The following PLCB4 variants were observed in gnomAD, a reference collection of about 807,000 sequenced individuals.
PLCB4 encodes the protein phospholipase C beta 4.
PLCB4 carries 77 observed loss-of-function variants against 178.8 expected under a neutral mutation model. The observed-to-expected ratio is 0.43, with a 90% CI of 0.36 to 0.52. The LOEUF (loss-of-function observed/expected upper bound fraction) is 0.52. Among genes scored for constraint, PLCB4 ranks in the 20% least tolerant of loss-of-function variants. PLCB4 has a pLI of 0.00. For synonymous variants in PLCB4, 496 were observed against 490.8 expected (o/e 1.01, Z -0.14); for missense variants, 1,024 against 1,453.4 (o/e 0.70, Z 4.80).
intron 7 of PLCB4, among the ~76,000 whole-genome samples, chr20:9,343,987 G>A (rs1349393861): frequency 6.6e-6 from 1 of 152,162 alleles, no homozygotes; most frequent in East Asian, 1.9e-4. Flanking sequence ...TGCCCCAAGA[G>A]GTATCTAACT....
At chr20:9,459,915 A>T (rs2043286962) in intron 35 of PLCB4, 105 bp downstream of exon 35, 1 of 696,950 alleles carries the variant, frequency 1.4e-6, no homozygotes, top group African/African-American at 1.8e-5. Context: ...AATTTGACGT[A>T]CAACATGTAG....
chr20:9,469,350 T>A (rs950666376), intron 36 of PLCB4, among the ~76,000 whole-genome samples: 2 of 152,202 alleles, frequency 1.3e-5, no homozygotes, highest in Non-Finnish European at 2.9e-5. Flanking sequence ...TCTCCCCTGC[T>A]CAGGTGTCAG....
At chr20:9,240,001 G>A (rs1004566822) in intron 3 of PLCB4, among the ~76,000 whole-genome samples, 1 of 152,200 alleles carries the variant, frequency 6.6e-6, no homozygotes, top group Non-Finnish European at 1.5e-5. Flanking sequence ...CAGCTGATTA[G>A]ATGGTGCCTG....
intron 32 of PLCB4, among the ~76,000 whole-genome samples, chr20:9,448,360 C>A (rs1290949220): frequency 2.0e-5 from 3 of 152,128 alleles, no homozygotes; most frequent in African/African-American, 7.2e-5. Context: ...AAATGACCTG[C>A]TGATGAAGAA....
chr20:9,148,783 G>C (rs182282848), intron 2 of PLCB4, among the ~76,000 whole-genome samples: 1 of 152,146 alleles, frequency 6.6e-6, no homozygotes, highest in African/African-American at 2.4e-5. Flanking sequence ...AGCTGTTTTC[G>C]TGATGGAAAT....
At chr20:9,432,083 C>A (rs1428468743) in intron 28 of PLCB4, among the ~76,000 whole-genome samples, 1 of 152,118 alleles carries the variant, frequency 6.6e-6, no homozygotes. Context: ...ATCAATGTGA[C>A]ATTTCCCATT....
rs940440036 is a variant in PLCB4 at position 9,349,062 on chromosome 20, A to AAAAAG, written c.369+10040_369+10044dup. Among the ~76,000 whole-genome samples the AAAAAG allele has an allele frequency of 2.0e-5, 3 of 152,192 alleles. No individual in the cohort carries two copies. In the East Asian group the frequency reaches 5.8e-4, roughly 29 times the overall value. On this transcript the variant is annotated intron_variant, in intron 7 of 39. Coordinates refer to ENST00000378473, the MANE Select transcript of PLCB4 (RefSeq NM_001377142.1). ...AGAAAGTACAGGATAGTAAAAAAAAAAAAAGAAAAGAAAAGAAAAAGAAAC... is the reference window on the plus strand; with the variant it reads ...AGAAAGTACAGGATAGTAAAAAAAAAAAAAGAAAAGAAAAGAAAAGAAAAAGAAAC...
At chr20:9,262,340 A>G (rs1412329536) in intron 3 of PLCB4, among the ~76,000 whole-genome samples, 3 of 152,146 alleles carry the variant, frequency 2.0e-5, no homozygotes, top group African/African-American at 4.8e-5. Flanking sequence ...AGTGAGAGAG[A>G]GAGAGAGAAG....
intron 1 of PLCB4, among the ~76,000 whole-genome samples, chr20:9,081,361 T>C (rs1238827050): frequency 6.6e-6 from 1 of 152,238 alleles, no homozygotes; most frequent in Non-Finnish European, 1.5e-5. Context: ...CTGACCCCTG[T>C]GATGAAGTTT....
intron 3 of PLCB4, among the ~76,000 whole-genome samples, chr20:9,307,445 T>G (rs1384837035): frequency 4.0e-5 from 6 of 151,856 alleles, no homozygotes; most frequent in African/African-American, 1.5e-4. Flanking sequence ...TTGATTTTGG[T>G]CTACGGTTTC....
intron 3 of PLCB4, among the ~76,000 whole-genome samples, chr20:9,291,371 A>C (rs1366861090): frequency 2.0e-5 from 3 of 152,166 alleles, no homozygotes; most frequent in Non-Finnish European, 4.4e-5. Context: ...TTGCACAGTA[A>C]ATTTCCCATT....
At chr20:9,110,414 C>A (rs770191522) in intron 2 of PLCB4, among the ~76,000 whole-genome samples, 2 of 152,114 alleles carry the variant, frequency 1.3e-5, no homozygotes, top group East Asian at 1.9e-4. Context: ...CCTCTATTTA[C>A]ACTGTCTTTT....
intron 17 of PLCB4, 51 bp from the exon 18 acceptor site, chr20:9,393,537 A>G (rs1434441703): frequency 8.1e-7 from 1 of 1,235,506 alleles, no homozygotes; most frequent in Non-Finnish European, 1.2e-6. Context: ...TGGGAAGGAG[A>G]ATGGAGAAGC....
chr20:9,395,413 C>A, intron 18 of PLCB4, 110 bp from the exon 19 acceptor site: 1 of 726,320 alleles, frequency 1.4e-6, no homozygotes, highest in Non-Finnish European at 2.4e-6. Context: ...GGTGCCTGAA[C>A]ATTCTATTTC....
intron 2 of PLCB4, among the ~76,000 whole-genome samples, chr20:9,150,922 C>T (rs1371107531): frequency 6.6e-6 from 1 of 152,160 alleles, no homozygotes; most frequent in African/African-American, 2.4e-5. Context: ...TGTGCAGGCT[C>T]TGCTTGTGTT....
chr20:9,453,842 A>T (rs2042908569), intron 33 of PLCB4, among the ~76,000 whole-genome samples: 1 of 152,206 alleles, frequency 6.6e-6, no homozygotes, highest in Non-Finnish European at 1.5e-5. Flanking sequence ...CCAAAATACT[A>T]CAGAGTTCCC....
chr20:9,117,261 A>G (rs889131444), intron 2 of PLCB4, among the ~76,000 whole-genome samples: 1 of 152,084 alleles, frequency 6.6e-6, no homozygotes, highest in Non-Finnish European at 1.5e-5. Context: ...ACATTTTTTC[A>G]CCTTTCCAGT....
At chr20:9,087,332 G>A (rs2090473571) in intron 1 of PLCB4, among the ~76,000 whole-genome samples, 3 of 152,046 alleles carry the variant, frequency 2.0e-5, no homozygotes, top group Admixed American at 2.0e-4. Context: ...CTATACATAG[G>A]TTGTATACAT....
chr20:9,228,807 A>G (rs1393507081), intron 3 of PLCB4, among the ~76,000 whole-genome samples: 1 of 152,226 alleles, frequency 6.6e-6, no homozygotes, highest in Non-Finnish European at 1.5e-5. Context: ...GGGCTAGGGC[A>G]GAAGGCCCAG....
Sources: gnomAD v4.1 joint callset for allele counts (sites outside exome capture counted in the v4.1 genomes callset) on GRCh38, gnomAD v4.1.1 for gene constraint, MANE v1.5 for transcripts, NCBI Gene and HGNC (gene_info 2026-07-23, HGNC 2026-07-21) for gene names.